Variants in CEACAM19 observed in about 807,000 individuals in gnomAD.
CEACAM19 encodes cell adhesion molecule CEACAM19.
A neutral mutation model predicts 37.6 loss-of-function variants in CEACAM19; 37 were observed. The observed-to-expected ratio is 0.98, with a 90% CI of 0.76 to 1.29. The LOEUF (loss-of-function observed/expected upper bound fraction) is 1.29. Ranked by LOEUF, CEACAM19 falls within the 50% of genes most tolerant of loss-of-function variation. The pLI, the probability that CEACAM19 is intolerant of heterozygous loss-of-function variation, is 0.00. For missense variants in CEACAM19, 340 were observed against 375.6 expected (o/e 0.91, Z 0.78); for synonymous variants, 140 against 149.8 (o/e 0.93, Z 0.48).
upstream of CEACAM19, among the ~76,000 whole-genome samples, chr19:44,668,476 ATATATATATTATATATAT>A (rs1201003492): frequency 3.5e-5 from 2 of 56,844 alleles, no homozygotes; most frequent in Non-Finnish European, 5.6e-5. Context: ...ATATAATATA[ATATATATATTATATATAT>A]TATATATATT....
chr19:44,681,591 T>A (rs945929498), intron 6 of CEACAM19, among the ~76,000 whole-genome samples: 1 of 152,176 alleles, frequency 6.6e-6, no homozygotes, highest in Non-Finnish European at 1.5e-5. Flanking sequence ...CCACTACCTT[T>A]ATAATGGGGA....
intron 2 of CEACAM19, among the ~76,000 whole-genome samples, chr19:44,673,258 GC>G (rs1461285518): frequency 6.6e-6 from 1 of 152,200 alleles, no homozygotes; most frequent in African/African-American, 2.4e-5. Context: ...CTTACTGTAT[GC>G]CTGGTTGTGA....
chr19:44,681,259 C>A lies in CEACAM19; in HGVS notation c.739C>A (p.Pro247Thr). Residue 247 changes from proline to threonine, a missense_variant, in exon 6 of 8, where the codon CCA (proline) becomes ACA (threonine). Physicochemically the swap from Pro to Thr is conservative, Grantham distance 38. Transcript: ENST00000358777. ...DNNIYEVMPS[P>T]VLLVSPISDT... ...CAACATCTATGAAGTGATGCCCTCT[C>A]CAGTCCTCCTGGTGTCCCCCATCAG... The A allele has an allele frequency of 6.2e-7, 1 of 1,614,134 alleles. No homozygotes were observed. The highest frequency in any genetic ancestry group is 1.7e-5 in the Admixed American group (1 of 60,002).
rs756087125 is a variant in CEACAM19 at position 44,681,205 on chromosome 19, CCT to C, written c.707-20_707-19del. ...TGTGGGGCCCATGTGTCAGCTGGTACCTCCCCTGGCCTCTGTTTCAGGTGACA... is the reference window on the plus strand; with the variant it reads ...TGTGGGGCCCATGTGTCAGCTGGTACCCCCTGGCCTCTGTTTCAGGTGACA... On this transcript the variant is annotated intron_variant, in intron 5 of 7. Coordinates refer to ENST00000358777, the MANE Select transcript of CEACAM19 (RefSeq NM_001127893.3). The C allele has an allele frequency of 1.9e-6, 3 of 1,587,532 alleles. No individual in the cohort carries two copies. The South Asian group carries it at 3.3e-5, about 18-fold the overall frequency.
chr19:44,682,796 C>T, intron 7 of CEACAM19, 176 bp downstream of exon 7: 1 of 581,090 alleles, frequency 1.7e-6, no homozygotes, highest in Non-Finnish European at 3.0e-6. Context: ...GAGACCCTGG[C>T]AAGTCCCTTT....
At chr19:44,674,746 A>C (rs1312404380) in intron 2 of CEACAM19, among the ~76,000 whole-genome samples, 3 of 152,180 alleles carry the variant, frequency 2.0e-5, no homozygotes, top group Non-Finnish European at 4.4e-5. Flanking sequence ...GAATAGAAAA[A>C]ATTTTACAGA....
chr19:44,672,436 C>A, intron 1 of CEACAM19, 160 bp from the exon 2 acceptor site: 1 of 784,642 alleles, frequency 1.3e-6, no homozygotes, highest in Non-Finnish European at 1.9e-6. Context: ...TGTTCCCACT[C>A]CTGCACCCAG....
chr19:44,671,750 T>G lies in CEACAM19; in HGVS notation c.-182T>G. On this transcript the variant is annotated 5_prime_UTR_variant, in exon 1 of 8. Transcript: ENST00000358777. Reference sequence around the variant, plus strand: ...CTGTCTGTGCTCCCATCCCAGGGAGTATAGGTGGAGCCTCCAGAGCCCATG... The same window carrying G: ...CTGTCTGTGCTCCCATCCCAGGGAGGATAGGTGGAGCCTCCAGAGCCCATG... 1 of 549,798 alleles carries G rather than the reference T, an allele frequency of 1.8e-6. No individual in the cohort carries two copies. The allele number at this position is 549,798 out of a possible 1,614,324, so 34.1% of individuals were successfully genotyped here.
Position 44,671,848 on chromosome 19 carries a change from C to A in CEACAM19, c.-84C>A. The A allele has an allele frequency of 7.9e-7, 1 of 1,262,696 alleles. No individual in the cohort carries two copies. Among genetic ancestry groups the A allele is most frequent in the Non-Finnish European group, 1.1e-6 (1 of 886,190 alleles). 78.2% of individuals were successfully genotyped at this position (1,262,696 alleles called of 1,614,324 possible). A position where few individuals can be genotyped will look rare whatever the true frequency, so the allele number is the denominator to read the frequency against. The stretch of plus-strand genomic sequence containing the variant: ...ACCCCTGGGATCCCCACTGAGCTGG[C>A]CTACTTCAGACAGCCAGGGCCCACC... On this transcript the variant is annotated 5_prime_UTR_variant, in exon 1 of 8. Transcript: ENST00000358777.
At position 44,672,443 on chromosome 19, in the gene CEACAM19, C is replaced by T. The variant is rs567245062; in HGVS notation, c.56-153C>T. The T allele has an allele frequency of 2.1e-4, 177 of 838,340 alleles. No individual in the cohort carries two copies. In the African/African-American group the frequency reaches 2.8e-3, roughly 13 times the overall value. The allele number at this position is 838,340 out of a possible 1,614,324, so 51.9% of individuals were successfully genotyped here. On this transcript the variant is annotated intron_variant, in intron 1 of 7. Transcript: ENST00000358777. ...CATGCCTGTGTTCCCACTCCTGCAC[C>T]CAGGGCAGACATCACTAATCAATCC...
At position 44,672,752 on chromosome 19, in the gene CEACAM19, C is replaced by T. The variant is rs749769416; in HGVS notation, c.212C>T (p.Thr71Met). 1.2e-5 allele frequency: 19 copies of T among 1,581,624 alleles called. No homozygotes were observed. The highest frequency in any genetic ancestry group is 1.4e-5 in the Non-Finnish European group (16 of 1,162,282). The change falls in exon 2 of 8, where the codon ACG becomes ATG. Residue 71 changes from threonine (T) to methionine (M), a missense_variant. Transcript: ENST00000358777. Reference sequence around the variant, plus strand: ...TTCAACTGGTACCTGGGGGAGGAGACGTACGGAGGCACGAGGCTATTTACC... The same window carrying T: ...TTCAACTGGTACCTGGGGGAGGAGATGTACGGAGGCACGAGGCTATTTACC... The part of the protein sequence containing the change: ...QDFNWYLGEE[T>M]YGGTRLFTYI...
chr19:44,672,540 T>A, intron 1 of CEACAM19, 56 bp from the exon 2 acceptor site: 1 of 1,428,658 alleles, frequency 7.0e-7, no homozygotes, highest in South Asian at 1.7e-5. Context: ...GAGAGGAGCA[T>A]GCCATGGTCC....
chr19:44,668,022 AGTATATATT>A (rs1973767776), upstream of CEACAM19, among the ~76,000 whole-genome samples: 1 of 85,938 alleles, frequency 1.2e-5, no homozygotes, highest in South Asian at 3.7e-4. Context: ...TTATTTATAT[AGTATATATT>A]ATATATTTAT....
upstream of CEACAM19, among the ~76,000 whole-genome samples, chr19:44,667,612 T>TTATATATTTATAAATATATAAATATATAA (rs1973738394): frequency 1.1e-5 from 1 of 88,858 alleles, no homozygotes; most frequent in Non-Finnish European, 2.2e-5. Context: ...TAAATATATA[T>TTATATATTTATAAATATATAAATATATAA]TATATATTTA....
intron 1 of CEACAM19, among the ~76,000 whole-genome samples, chr19:44,672,239 G>A (rs1390476045): frequency 6.6e-6 from 1 of 152,126 alleles, no homozygotes; most frequent in East Asian, 1.9e-4. Context: ...ATTGAAGGAA[G>A]TTTAGATGTA....
At chr19:44,680,900 C>T (rs1974045458) in intron 5 of CEACAM19, among the ~76,000 whole-genome samples, 2 of 152,106 alleles carry the variant, frequency 1.3e-5, no homozygotes, top group Admixed American at 1.3e-4. Flanking sequence ...TCAGATGCCC[C>T]CTCCTCCAGG....
At chr19:44,674,734 G>A (rs978820607) in intron 2 of CEACAM19, among the ~76,000 whole-genome samples, 1 of 152,128 alleles carries the variant, frequency 6.6e-6, no homozygotes, top group Non-Finnish European at 1.5e-5. Context: ...GTTTTGGACA[G>A]TGAATAGAAA....
At chr19:44,682,738 C>A (rs1007691816) in intron 7 of CEACAM19, 118 bp downstream of exon 7, 15 of 934,352 alleles carry the variant, frequency 1.6e-5, no homozygotes, top group South Asian at 8.6e-5. Context: ...CTCGTCCCCC[C>A]AAGCCTCACG....
intron 2 of CEACAM19, 88 bp downstream of exon 2, chr19:44,673,052 A>C: frequency 7.0e-6 from 8 of 1,135,610 alleles, no homozygotes; most frequent in Non-Finnish European, 9.4e-6. Context: ...ACACCATTTC[A>C]TTTGGTCCTC....
Sources: gnomAD v4.1 joint callset for allele counts (sites outside exome capture counted in the v4.1 genomes callset) on GRCh38, gnomAD v4.1.1 for gene constraint, MANE v1.5 for transcripts, NCBI Gene and HGNC (gene_info 2026-07-23, HGNC 2026-07-21) for gene names.